The following DLGAP1 variants were observed in gnomAD, a reference collection of about 807,000 sequenced individuals.
The protein encoded by DLGAP1 is DLG associated protein 1.
DLGAP1 carries 11 observed loss-of-function variants against 90.8 expected under a neutral mutation model. That is an observed-to-expected ratio of 0.12 (90% CI 0.08 to 0.20). DLGAP1 has a LOEUF of 0.20. Among genes scored for constraint, DLGAP1 ranks in the 10% least tolerant of loss-of-function variants. DLGAP1 has a pLI of 1.00. For synonymous variants in DLGAP1, 558 were observed against 540.7 expected (o/e 1.03, Z -0.44); for missense variants, 1,050 against 1,333.8 (o/e 0.79, Z 3.31).
At chr18:3,768,089 A>C (rs1243297574) in intron 5 of DLGAP1, among the ~76,000 whole-genome samples, 1 of 152,150 alleles carries the variant, frequency 6.6e-6, no homozygotes, top group Non-Finnish European at 1.5e-5. Flanking sequence ...TTCTGGAACT[A>C]AGTGAATTCA....
At chr18:4,009,598 G>T (rs1425031535) in intron 2 of DLGAP1, among the ~76,000 whole-genome samples, 1 of 152,198 alleles carries the variant, frequency 6.6e-6, no homozygotes, top group African/African-American at 2.4e-5. Flanking sequence ...GTCATAACAT[G>T]CCCATGGCAG....
intron 7 of DLGAP1, among the ~76,000 whole-genome samples, chr18:3,642,625 A>G (rs1437282899): frequency 1.3e-5 from 2 of 152,164 alleles, no homozygotes; most frequent in Non-Finnish European, 2.9e-5. Flanking sequence ...CTCCTCTACA[A>G]ATCAAGGGAT....
At chr18:4,387,930 TACACACAC>T (rs1171436413) in intron 1 of DLGAP1, among the ~76,000 whole-genome samples, 3 of 123,340 alleles carry the variant, frequency 2.4e-5, no homozygotes, top group African/African-American at 9.2e-5. Context: ...CCATCACACA[TACACACAC>T]ACACACACAC....
chr18:3,870,052 G>C (rs557274564), intron 4 of DLGAP1, among the ~76,000 whole-genome samples: 1 of 152,228 alleles, frequency 6.6e-6, no homozygotes, highest in African/African-American at 2.4e-5. Flanking sequence ...TCATCTATTA[G>C]GCTCTACTGC....
At chr18:4,046,182 A>G (rs1300740698) in intron 2 of DLGAP1, among the ~76,000 whole-genome samples, 1 of 152,194 alleles carries the variant, frequency 6.6e-6, no homozygotes. Flanking sequence ...GATGAACAAA[A>G]TCGTGCAGTT....
chr18:4,418,633 A>C (rs1002321031), intron 1 of DLGAP1, among the ~76,000 whole-genome samples: 1 of 152,190 alleles, frequency 6.6e-6, no homozygotes, highest in African/African-American at 2.4e-5. Flanking sequence ...GAATTTGAAG[A>C]TAGATCAATA....
At chr18:3,978,806 C>A (rs748684161) in intron 3 of DLGAP1, among the ~76,000 whole-genome samples, 1 of 152,192 alleles carries the variant, frequency 6.6e-6, no homozygotes, top group African/African-American at 2.4e-5. Flanking sequence ...CACTTAACTT[C>A]TTCCACTTGG....
chr18:4,052,227 C>T (rs952126567), intron 2 of DLGAP1, among the ~76,000 whole-genome samples: 1 of 152,226 alleles, frequency 6.6e-6, no homozygotes, highest in Admixed American at 6.5e-5. Context: ...TCTAACCCCA[C>T]ATTTCCCTTC....
chr18:3,499,213 T>C lies in DLGAP1; in HGVS notation c.2906A>G (p.Tyr969Cys). The C allele has an allele frequency of 1.9e-6, 3 of 1,596,068 alleles. No homozygotes were observed. Among genetic ancestry groups the C allele is most frequent in the Non-Finnish European group, 1.7e-6 (2 of 1,174,798 alleles). Residue 969 changes from tyrosine (Y) to cysteine (C), a missense_variant, in exon 13 of 13, where the codon TAC becomes TGC. By Grantham distance (194) the Tyr-to-Cys change is radical. Coordinates refer to ENST00000315677, the MANE Select transcript of DLGAP1 (RefSeq NM_004746.4). This position sits in a 1 kb window ranked among gnomAD's most constrained non-coding sequence, Gnocchi z 6.4. ...ATESAESIEI[Y>C]IPEAQTRL ...GAGCCGGGTCTGCGCCTCGGGGATG[T>C]AGATCTCGATGCTCTCGGCGCTCTC... is the stretch of plus-strand genomic sequence containing the variant.
chr18:4,158,802 G>T (rs755597810), intron 1 of DLGAP1, among the ~76,000 whole-genome samples: 2 of 152,138 alleles, frequency 1.3e-5, no homozygotes, highest in Non-Finnish European at 2.9e-5. Context: ...AGAAAAGTCA[G>T]TGATAAAAGA....
rs375150170 is a variant in DLGAP1 at position 4,170,155 on chromosome 18, A to G, written c.-266-18868T>C. Among the ~76,000 whole-genome samples the G allele has an allele frequency of 2.2e-4, 33 of 152,270 alleles. 2 individuals are homozygous for G. Among genetic ancestry groups the G allele is most frequent in the Admixed American group, 4.6e-4 (7 of 15,296 alleles). On this transcript the variant is annotated intron_variant, in intron 1 of 12. Transcript: ENST00000315677. ...GAAGCCAGTAGCAGAGCAGATAGGTAGGAAGAGTAAGATTCTAAATATGTT... is the reference window on the plus strand; with the variant it reads ...GAAGCCAGTAGCAGAGCAGATAGGTGGGAAGAGTAAGATTCTAAATATGTT...
chr18:4,322,816 C>T (rs1057202190), intron 1 of DLGAP1, among the ~76,000 whole-genome samples: 1 of 151,946 alleles, frequency 6.6e-6, no homozygotes, highest in African/African-American at 2.4e-5. Context: ...CAAAAATTAG[C>T]CAGGCGTTTT....
chr18:3,626,541 C>A (rs2058301337), intron 7 of DLGAP1, among the ~76,000 whole-genome samples: 1 of 148,994 alleles, frequency 6.7e-6, no homozygotes, highest in South Asian at 2.1e-4. Flanking sequence ...CTTCAGTGAG[C>A]CGAGATCACA....
chr18:3,577,891 A>G (rs2055252532), intron 8 of DLGAP1, among the ~76,000 whole-genome samples: 1 of 152,202 alleles, frequency 6.6e-6, no homozygotes, highest in African/African-American at 2.4e-5. Context: ...TCTCTGTCCA[A>G]AAAAATAATA....
intron 9 of DLGAP1, among the ~76,000 whole-genome samples, chr18:3,547,649 G>A (rs1305389218): frequency 6.6e-6 from 1 of 152,150 alleles, no homozygotes; most frequent in Non-Finnish European, 1.5e-5. Flanking sequence ...GGAGAAACTG[G>A]AACCCTCATA....
chr18:3,555,142 T>A (rs943595668), intron 9 of DLGAP1, among the ~76,000 whole-genome samples: 1 of 152,196 alleles, frequency 6.6e-6, no homozygotes, highest in African/African-American at 2.4e-5. Context: ...AGCAAAATCA[T>A]AAAAGAATTA....
intron 1 of DLGAP1, among the ~76,000 whole-genome samples, chr18:4,179,591 T>C (rs2077173135): frequency 6.6e-6 from 1 of 152,172 alleles, no homozygotes; most frequent in South Asian, 2.1e-4. Flanking sequence ...GAGTAACTTA[T>C]TCAAGGTCAC....
intron 3 of DLGAP1, among the ~76,000 whole-genome samples, chr18:3,963,977 T>C (rs1427447950): frequency 6.6e-6 from 1 of 152,232 alleles, no homozygotes; most frequent in African/African-American, 2.4e-5. Flanking sequence ...ATTTCATTTC[T>C]TTCTTTTTAT....
chr18:4,097,443 G>C (rs2075701682), intron 2 of DLGAP1, among the ~76,000 whole-genome samples: 1 of 152,208 alleles, frequency 6.6e-6, no homozygotes, highest in Non-Finnish European at 1.5e-5. Context: ...TTTGTCAAAA[G>C]TGCTCACCAC....
Sources: allele counts gnomAD v4.1 joint callset (sites outside exome capture counted in the v4.1 genomes callset), GRCh38; gene constraint gnomAD v4.1.1; non-coding constraint Gnocchi (gnomAD v3.1); transcripts MANE v1.5; gene names NCBI Gene and HGNC (gene_info 2026-07-23, HGNC 2026-07-21).